LINGO2: variants seen among roughly 807,000 people sequenced by gnomAD.
LINGO2 encodes the protein leucine-rich repeat and immunoglobulin-like domain-containing nogo receptor-interacting protein 2.
In LINGO2, 14 loss-of-function variants were observed where a neutral mutation model predicts 30.6. The ratio of observed to expected loss-of-function variants is 0.46; its 90% confidence interval spans 0.30 to 0.72. The LOEUF (loss-of-function observed/expected upper bound fraction) is 0.72, where lower values mean the gene tolerates loss of function less well. Among genes scored for constraint, LINGO2 ranks in the 30% least tolerant of loss-of-function variants. The pLI is 0.07. For missense variants in LINGO2, 729 were observed against 751.7 expected, an observed-to-expected ratio of 0.97 and a Z score of 0.35; for synonymous variants, 317 against 288.5, an observed-to-expected ratio of 1.10 and a Z score of -1.00.
At chr9:28,768,769 ACTT>A in the LINGO2 span, among the ~76,000 whole-genome samples, 1 of 151,942 alleles carries the variant, frequency 6.6e-6, no homozygotes, top group African/African-American at 2.4e-5. Flanking sequence ...CTTTTACTGA[ACTT>A]CTTGATTACA....
chr9:28,587,996 G>A (rs2891316), intron 1 of LINGO2, among the ~76,000 whole-genome samples: 23,733 of 151,962 alleles, frequency 0.16, 2,272 homozygotes, highest in Admixed American at 0.28. Context: ...ATGGACCAGG[G>A]ATATCTAACA....
At chr9:28,995,245 T>A in the LINGO2 span, among the ~76,000 whole-genome samples, 1 of 152,228 alleles carries the variant, frequency 6.6e-6, no homozygotes, top group Non-Finnish European at 1.5e-5. Flanking sequence ...AAGACATTTA[T>A]GCTGCCAAAA....
At chr9:28,654,893 T>C (rs557797569) in intron 1 of LINGO2, among the ~76,000 whole-genome samples, 1 of 152,256 alleles carries the variant, frequency 6.6e-6, no homozygotes, top group East Asian at 1.9e-4. Flanking sequence ...AAGCACTCAA[T>C]TATCATGAGT....
chr9:28,906,384 C>CA, the LINGO2 span, among the ~76,000 whole-genome samples: 1 of 150,742 alleles, frequency 6.6e-6, no homozygotes, highest in African/African-American at 2.4e-5. Context: ...ATACATATTT[C>CA]AAAAAATCAT....
intron 4 of LINGO2, among the ~76,000 whole-genome samples, chr9:28,125,054 G>A (rs1052537043): frequency 6.6e-6 from 1 of 152,204 alleles, no homozygotes; most frequent in East Asian, 1.9e-4. Flanking sequence ...ATGTCAAAAG[G>A]AATTGTGCTT....
At chr9:28,824,527 G>T in the LINGO2 span, among the ~76,000 whole-genome samples, 4 of 152,142 alleles carry the variant, frequency 2.6e-5, no homozygotes, top group Non-Finnish European at 5.9e-5. Context: ...TGTCAGAATG[G>T]CAAATCAGTT....
intron 5 of LINGO2, among the ~76,000 whole-genome samples, chr9:27,994,314 A>C (rs1232338176): frequency 6.6e-6 from 1 of 152,188 alleles, no homozygotes; most frequent in Non-Finnish European, 1.5e-5. Context: ...GAAATAAATC[A>C]AATTGAAACT....
intron 3 of LINGO2, among the ~76,000 whole-genome samples, chr9:28,368,507 C>A (rs1820763132): frequency 6.6e-6 from 1 of 151,872 alleles, no homozygotes; most frequent in Admixed American, 6.6e-5. Flanking sequence ...CATAAGCATA[C>A]TTTTATTTAA....
intron 1 of LINGO2, among the ~76,000 whole-genome samples, chr9:28,520,274 A>G (rs1238806195): frequency 2.0e-5 from 3 of 152,132 alleles, no homozygotes; most frequent in Non-Finnish European, 4.4e-5. Flanking sequence ...AAATTTTATT[A>G]TGAATTATGA....
chr9:28,851,088 T>A, the LINGO2 span, among the ~76,000 whole-genome samples: 1 of 152,014 alleles, frequency 6.6e-6, no homozygotes, highest in South Asian at 2.1e-4. Context: ...TTAAGGAAGA[T>A]CTAAAACAAC....
chr9:28,069,744 A>G (rs185617743), intron 4 of LINGO2, among the ~76,000 whole-genome samples: 1 of 152,166 alleles, frequency 6.6e-6, no homozygotes, highest in Non-Finnish European at 1.5e-5. Flanking sequence ...CCTGATGTTG[A>G]GTTCATGGAG....
chr9:28,525,857 C>T (rs1294273860), intron 1 of LINGO2, among the ~76,000 whole-genome samples: 1 of 151,880 alleles, frequency 6.6e-6, no homozygotes, highest in Non-Finnish European at 1.5e-5. Flanking sequence ...AGATGGAGAC[C>T]ATCCTGGCTA....
chr9:28,985,604 T>A, the LINGO2 span, among the ~76,000 whole-genome samples: 2 of 152,110 alleles, frequency 1.3e-5, no homozygotes, highest in African/African-American at 4.8e-5. Flanking sequence ...TAAATTTCCC[T>A]AATAATTGGT....
At chr9:27,949,759 C>T in exon 6 of LINGO2, 1 of 1,614,150 alleles carries the variant, frequency 6.2e-7, no homozygotes, top group Non-Finnish European at 8.5e-7. Context: ...TGGGCCCCCA[C>T]TATATGAAGC....
chr9:28,323,568 C>T (rs1825122904), intron 3 of LINGO2, among the ~76,000 whole-genome samples: 1 of 152,128 alleles, frequency 6.6e-6, no homozygotes, highest in Non-Finnish European at 1.5e-5. Context: ...TCATTGCACT[C>T]CAGCCTAGGC....
intron 3 of LINGO2, among the ~76,000 whole-genome samples, chr9:28,314,902 G>A (rs1252247885): frequency 6.7e-6 from 1 of 149,932 alleles, no homozygotes; most frequent in African/African-American, 2.5e-5. Flanking sequence ...GGAGAATGGC[G>A]TGAACCCGGG....
chr9:28,549,154 T>A (rs118020806), intron 1 of LINGO2, among the ~76,000 whole-genome samples: 1 of 152,138 alleles, frequency 6.6e-6, no homozygotes, highest in Non-Finnish European at 1.5e-5. Flanking sequence ...TTTTGAATTA[T>A]TCACACACAC....
At chr9:28,749,711 C>T in the LINGO2 span, among the ~76,000 whole-genome samples, 1 of 151,966 alleles carries the variant, frequency 6.6e-6, no homozygotes, top group Non-Finnish European at 1.5e-5. Context: ...GAAGGTCCTA[C>T]AAAATGCAAA....
intron 1 of LINGO2, among the ~76,000 whole-genome samples, chr9:28,646,875 G>C (rs1221330780): frequency 6.6e-6 from 1 of 152,092 alleles, no homozygotes; most frequent in African/African-American, 2.4e-5. Context: ...TGATACTTTA[G>C]TGTTTCTGGT....
Sources: allele counts gnomAD v4.1 joint callset (sites outside exome capture counted in the v4.1 genomes callset), GRCh38; gene constraint gnomAD v4.1.1; transcripts MANE v1.5; gene names NCBI Gene and HGNC (gene_info 2026-07-23, HGNC 2026-07-21).